ZNF518A: variants seen among roughly 807,000 people sequenced by gnomAD.
ZNF518A encodes the protein zinc finger protein 518A.
In ZNF518A, 47 loss-of-function variants were observed where a neutral mutation model predicts 102.7. The ratio of observed to expected loss-of-function variants is 0.46; its 90% CI spans 0.36 to 0.58. The LOEUF (loss-of-function observed/expected upper bound fraction) is 0.58, where lower values mean the gene tolerates loss of function less well. Ranked by LOEUF, ZNF518A falls within the 20% of genes least tolerant of loss-of-function variation. The pLI, the probability that ZNF518A is intolerant of heterozygous loss-of-function variation, is 0.00. For synonymous variants in ZNF518A, 652 were observed against 594.6 expected (o/e 1.10, Z -1.40); for missense variants, 1,793 against 1,699.8 (o/e 1.05, Z -0.96).
In ZNF518A at chr10:96,157,469, G is replaced by C. The variant is rs587594246; in HGVS notation, c.1147G>C (p.Asp383His). The stretch of plus-strand genomic sequence containing the variant: ...TGAAAGACTACACTGTGAGAATAAT[G>C]ATAAAGCCCCTGAATCAGAGTCAGA... ...KDERLHCENN[D>H]KAPESESEKP... Residue 383 changes from aspartate to histidine, a missense_variant, in exon 6 of 6, where the codon GAT becomes CAT. By Grantham distance (81) the Asp-to-His change is moderately conservative. This residue lies in a region of ZNF518A where 1,741 missense variants were observed against 1,622.6 expected (regional missense o/e 1.07). Transcript: ENST00000316045. The C allele has an allele frequency of 1.4e-5, 23 of 1,613,720 alleles. No individual in the cohort carries two copies. In the South Asian group the frequency reaches 2.4e-4, roughly 17 times the overall value.
intron 2 of ZNF518A, among the ~76,000 whole-genome samples, chr10:96,133,175 GA>G (rs2081425833): frequency 6.6e-6 from 1 of 152,084 alleles, no homozygotes; most frequent in Admixed American, 6.5e-5. Context: ...CTTCTGAATA[GA>G]AAAGTGGCAT....
intron 1 of ZNF518A, among the ~76,000 whole-genome samples, chr10:96,174,197 C>T (rs2133885786): frequency 6.7e-6 from 1 of 150,352 alleles, no homozygotes; most frequent in East Asian, 1.9e-4. Flanking sequence ...TTTATGTATA[C>T]TTACCACAAT....
At chr10:96,192,899 A>C (rs2083364729) in intron 1 of ZNF518A, among the ~76,000 whole-genome samples, 1 of 152,242 alleles carries the variant, frequency 6.6e-6, no homozygotes, top group Non-Finnish European at 1.5e-5. Flanking sequence ...ATTGTTTTAC[A>C]ACAGTGCCAT....
At position 96,161,747 on chromosome 10, in the gene ZNF518A, T is replaced by C. The variant is rs1482158283; in HGVS notation, c.*973T>C. 6 of 166,986 alleles carry C rather than the reference T, an allele frequency of 3.6e-5. No individual in the cohort carries two copies. The highest frequency in any genetic ancestry group is 1.4e-4 in the African/African-American group (6 of 41,454). The allele number at this position is 166,986 out of a possible 1,614,324, so 10.3% of individuals were successfully genotyped here. A position where few individuals can be genotyped will look rare whatever the true frequency, so the allele number is the denominator to read the frequency against. ...GTATTTTGAAGCAAGATCATATTTTTGTCTGTATTCACTTTATTATTTGAA... is the reference window on the plus strand; with the variant it reads ...GTATTTTGAAGCAAGATCATATTTTCGTCTGTATTCACTTTATTATTTGAA... On this transcript the variant is annotated 3_prime_UTR_variant, in exon 6 of 6. Coordinates refer to ENST00000316045, the MANE Select transcript of ZNF518A (RefSeq NM_001330736.2).
chr10:96,184,616 G>A (rs2083260081), intron 1 of ZNF518A, among the ~76,000 whole-genome samples: 1 of 152,202 alleles, frequency 6.6e-6, no homozygotes, highest in African/African-American at 2.4e-5. Context: ...CTTTAAGAAT[G>A]TTGAATATCG....
At chr10:96,198,752 G>A (rs2083542608) in intron 1 of ZNF518A, among the ~76,000 whole-genome samples, 1 of 152,350 alleles carries the variant, frequency 6.6e-6, no homozygotes, top group Non-Finnish European at 1.5e-5. Context: ...AGGCTGGAGA[G>A]CAGTGGCATG....
At chr10:96,171,398 G>A (rs925654604) in intron 1 of ZNF518A, among the ~76,000 whole-genome samples, 11 of 152,172 alleles carry the variant, frequency 7.2e-5, no homozygotes, top group Non-Finnish European at 2.9e-5. Flanking sequence ...TTGGATGAAT[G>A]TTGGAAGCAT....
rs1290032019 is a variant in ZNF518A at position 96,161,427 on chromosome 10, ATTTTCT to A, written c.*660_*665del. On this transcript the variant is annotated 3_prime_UTR_variant, in exon 6 of 6. Coordinates refer to ENST00000316045, the MANE Select transcript of ZNF518A (RefSeq NM_001330736.2). Reference sequence around the variant, plus strand: ...AGATTGGGAACACTCTCCCAAGGTGATTTTCTTTTTCTAAGTGACTGTGTCAAATGT... The same window carrying A: ...AGATTGGGAACACTCTCCCAAGGTGATTTTCTAAGTGACTGTGTCAAATGT... The A allele has an allele frequency of 9.0e-5, 15 of 166,816 alleles. No homozygotes were observed. The highest frequency in any genetic ancestry group is 3.4e-4 in the African/African-American group (14 of 41,450). 10.3% of individuals were successfully genotyped at this position (166,816 alleles called of 1,614,324 possible).
Position 96,159,383 on chromosome 10 carries a change from A to G in ZNF518A, c.3061A>G (p.Asn1021Asp), listed in dbSNP as rs1365427678. ...TATTTTGAAGGTAGAACCAAACAAT[A>G]ATTGTCTTACACCTGGACTTTGTTC... ...TPILKVEPNNNCLTPGLCSSI... is the reference protein window; with the variant it reads ...TPILKVEPNNDCLTPGLCSSI... Residue 1021 changes from asparagine (N) to aspartate (D), a missense_variant, in exon 6 of 6, where the codon AAT (asparagine) becomes GAT (aspartate). By Grantham distance (23) the Asn-to-Asp change is conservative. Coordinates refer to ENST00000316045, the MANE Select transcript of ZNF518A (RefSeq NM_001330736.2). 6.2e-7 allele frequency: 1 copy of G among 1,613,698 alleles called. No homozygotes were observed. The highest frequency in any genetic ancestry group is 2.2e-5 in the East Asian group (1 of 44,898).
intron 3 of ZNF518A, among the ~76,000 whole-genome samples, chr10:96,139,148 G>A (rs1432527191): frequency 1.3e-5 from 2 of 152,092 alleles, no homozygotes; most frequent in Non-Finnish European, 2.9e-5. Context: ...ATCTGTGGCA[G>A]CTTGTTGGAG....
At position 96,149,431 on chromosome 10, in the gene ZNF518A, CTG is replaced by C. The variant is rs1343927760; in HGVS notation, c.-301-5893_-301-5892del. Among the ~76,000 whole-genome samples the C allele has an allele frequency of 7.3e-4, 111 of 152,330 alleles. 1 individual carries two copies. The highest frequency in any genetic ancestry group is 2.5e-3 in the African/African-American group (102 of 41,576). On this transcript the variant is annotated intron_variant, in intron 3 of 5. Coordinates refer to ENST00000316045, the MANE Select transcript of ZNF518A (RefSeq NM_001330736.2). ...CTAAAACAAAGATTCGTTTTACCCA[CTG>C]TAGAGAGTAAGCCTCTAGACTTCTG...
intron 3 of ZNF518A, among the ~76,000 whole-genome samples, chr10:96,139,216 A>G (rs1554875593): frequency 6.6e-6 from 1 of 152,168 alleles, no homozygotes; most frequent in Non-Finnish European, 1.5e-5. Flanking sequence ...ACCCAAGACC[A>G]GATACCGCTG....
intron 1 of ZNF518A, among the ~76,000 whole-genome samples, chr10:96,183,847 G>A (rs2083254750): frequency 6.6e-6 from 1 of 152,186 alleles, no homozygotes; most frequent in South Asian, 2.1e-4. Flanking sequence ...GTGCAGAGCT[G>A]AGTTCAAGTC....
In ZNF518A at chr10:96,160,483, A is replaced by C; in HGVS notation, c.4161A>C (p.Leu1387Phe). Residue 1387 changes from leucine (L) to phenylalanine (F), a missense_variant, in exon 6 of 6, where the codon TTA (leucine) becomes TTC (phenylalanine). This residue lies in a region of ZNF518A where 1,741 missense variants were observed against 1,622.6 expected (regional missense o/e 1.07). Coordinates refer to ENST00000316045, the MANE Select transcript of ZNF518A (RefSeq NM_001330736.2). ...VSLSKRTINA[L>F]LKPVCYNPPK... ...TGTCAAAAAGAACTATAAATGCTTT[A>C]CTGAAACCAGTTTGTTATAACCCTC... 1 of 1,613,330 alleles carries C rather than the reference A, an allele frequency of 6.2e-7. No homozygotes were observed. The highest frequency in any genetic ancestry group is 8.5e-7 in the Non-Finnish European group (1 of 1,179,592).
At position 96,200,994 on chromosome 10, in the gene ZNF518A, A is replaced by G. The variant is rs1304318911; in HGVS notation, n.36-2580A>G. On this transcript the variant is annotated intron_variant and non_coding_transcript_variant, in intron 1 of 2. Coordinates refer to the ZNF518A transcript ENST00000442635. The surrounding 1 kb of genome is among the most constrained non-coding windows in gnomAD (Gnocchi z 4.3). ...GTTCATTTCATACCTGTTCTGAAAT[A>G]GTGGAATTAGATGAAAAGCTGGGTA... The G allele has an allele frequency of 1.2e-6, 2 of 1,613,912 alleles. No homozygotes were observed. Among genetic ancestry groups the G allele is most frequent in the Non-Finnish European group, 8.5e-7 (1 of 1,179,888 alleles).
At position 96,200,137 on chromosome 10, in the gene ZNF518A, G is replaced by A. The variant is rs782110816; in HGVS notation, n.36-3437G>A. 29 of 1,614,124 alleles carry A rather than the reference G, an allele frequency of 1.8e-5. No homozygotes were observed. The highest frequency in any genetic ancestry group is 2.3e-5 in the Non-Finnish European group (27 of 1,180,022). On this transcript the variant is annotated intron_variant and non_coding_transcript_variant, in intron 1 of 2. Transcript: ENST00000442635. The surrounding 1 kb of genome is among the most constrained non-coding windows in gnomAD (Gnocchi z 4.3). ...CGATCACAGGCTCCAGCATACCATG[G>A]CTTGCAGAGAACGCCAGCTTCCTGT...
rs1470132824 is a variant in ZNF518A at position 96,190,230 on chromosome 10, C to A, written n.36-13344C>A. 4.0e-6 allele frequency: 3 copies of A among 751,548 alleles called. No individual in the cohort carries two copies. In the African/African-American group the frequency reaches 5.1e-5, roughly 13 times the overall value. 46.6% of individuals were successfully genotyped at this position (751,548 alleles called of 1,614,324 possible). A position where few individuals can be genotyped will look rare whatever the true frequency, so the allele number is the denominator to read the frequency against. The stretch of plus-strand genomic sequence containing the variant: ...CATCGAATCTTCCATCAGGTGGCGG[C>A]ACACACTTAGGTGGGAGAGAAAGCA... On this transcript the variant is annotated intron_variant and non_coding_transcript_variant, in intron 1 of 2. Transcript: ENST00000442635.
intron 1 of ZNF518A, among the ~76,000 whole-genome samples, chr10:96,194,938 T>C (rs1234376110): frequency 2.0e-5 from 3 of 151,270 alleles, no homozygotes; most frequent in Non-Finnish European, 4.4e-5. Context: ...GCCCGGCTAA[T>C]TTTTGTATTT....
At chr10:96,135,692 A>G (rs1044572654) in intron 3 of ZNF518A, among the ~76,000 whole-genome samples, 7 of 152,244 alleles carry the variant, frequency 4.6e-5, no homozygotes, top group Non-Finnish European at 7.3e-5. Flanking sequence ...CAGATTAATA[A>G]GCGTGTGTTG....
Sources: gnomAD v4.1 joint callset for allele counts (sites outside exome capture counted in the v4.1 genomes callset) on GRCh38, gnomAD v4.1.1 for gene constraint, gnomAD v4.1.1 regional missense constraint, Gnocchi (gnomAD v3.1) non-coding constraint, MANE v1.5 for transcripts, NCBI Gene and HGNC (gene_info 2026-07-23, HGNC 2026-07-21) for gene names.